The following PTPRD variants were observed in gnomAD, a reference collection of about 807,000 sequenced individuals.
PTPRD encodes receptor-type tyrosine-protein phosphatase delta.
Under a neutral mutation model 214.5 loss-of-function variants are expected in PTPRD, and 34 were observed. The ratio of observed to expected loss-of-function variants is 0.16; its 90% CI spans 0.12 to 0.21. The LOEUF (loss-of-function observed/expected upper bound fraction) is 0.21. Among genes scored for constraint, PTPRD ranks in the 10% least tolerant of loss-of-function variants. The probability of loss-of-function intolerance (pLI) is 1.00; values close to 1 mark genes in which losing one functional copy is unlikely to be tolerated. For missense variants in PTPRD, 2,545 were observed against 2,398.7 expected (o/e 1.06, Z -1.27); for synonymous variants, 1,128 against 845.7 (o/e 1.33, Z -5.79).
chr9:10,453,625 C>T (rs76983859), intron 2 of PTPRD, among the ~76,000 whole-genome samples: 1,808 of 151,636 alleles, frequency 0.012, 33 homozygotes, highest in African/African-American at 0.039. Context: ...TATTGAAATG[C>T]TACCACTTGT....
chr9:10,000,716 G>T (rs2096285852), intron 4 of PTPRD, among the ~76,000 whole-genome samples: 1 of 152,178 alleles, frequency 6.6e-6, no homozygotes, highest in African/African-American at 2.4e-5. Context: ...AGCCAGGCTG[G>T]CAAGTATTAA....
At chr9:8,871,935 C>G (rs2098307516) in intron 11 of PTPRD, among the ~76,000 whole-genome samples, 2 of 152,120 alleles carry the variant, frequency 1.3e-5, no homozygotes, top group Non-Finnish European at 2.9e-5. Flanking sequence ...CATCATTGTA[C>G]TGGGGCACCA....
intron 2 of PTPRD, 97 bp from the exon 3 acceptor site, chr9:10,341,114 C>G (rs138436854): frequency 6.6e-6 from 1 of 151,884 alleles, no homozygotes; most frequent in Non-Finnish European, 1.5e-5. Flanking sequence ...TATGGAAGTA[C>G]AAAAACTGAA....
chr9:10,411,259 C>A (rs1320046508), intron 2 of PTPRD, among the ~76,000 whole-genome samples: 1 of 151,680 alleles, frequency 6.6e-6, no homozygotes, highest in Non-Finnish European at 1.5e-5. Context: ...GTATCCCAGA[C>A]CAATTTTGAA....
At chr9:8,915,085 T>G (rs1452400630) in intron 11 of PTPRD, among the ~76,000 whole-genome samples, 1 of 152,124 alleles carries the variant, frequency 6.6e-6, no homozygotes, top group African/African-American at 2.4e-5. Context: ...GAGGAAAATA[T>G]GAAAGCAGTT....
chr9:10,517,194 C>A (rs948516353), intron 2 of PTPRD, among the ~76,000 whole-genome samples: 18 of 151,948 alleles, frequency 1.2e-4, no homozygotes, highest in African/African-American at 4.3e-4. Context: ...TATCCCAATT[C>A]ATGAACATGG....
chr9:8,386,752 A>T (rs184063341), intron 37 of PTPRD, among the ~76,000 whole-genome samples: 66 of 152,336 alleles, frequency 4.3e-4, no homozygotes, highest in African/African-American at 1.6e-3. Context: ...AGTGAAAGCC[A>T]ATTCCAGCTC....
intron 11 of PTPRD, among the ~76,000 whole-genome samples, chr9:8,868,186 C>T (rs1219432678): frequency 6.6e-6 from 1 of 151,906 alleles, no homozygotes; most frequent in Non-Finnish European, 1.5e-5. Flanking sequence ...GTTCTAGCAT[C>T]TATATTTTAA....
chr9:8,381,103 T>A (rs2084926092), intron 37 of PTPRD, among the ~76,000 whole-genome samples: 1 of 152,168 alleles, frequency 6.6e-6, no homozygotes, highest in Non-Finnish European at 1.5e-5. Flanking sequence ...CCATAACTAT[T>A]GCTAAAAGTG....
rs780013156 is a variant in PTPRD, at chr9:8,633,307, G to T, written c.352+10C>A. 1 of 1,609,180 alleles carries T rather than the reference G, an allele frequency of 6.2e-7. No homozygotes were observed. Among genetic ancestry groups the T allele is most frequent in the South Asian group, 1.1e-5 (1 of 90,568 alleles). On this transcript the variant is annotated intron_variant, in intron 14 of 45. Transcript: ENST00000381196. The stretch of plus-strand genomic sequence containing the variant: ...ATGACACAAACGACAACCTTCACTT[G>T]AGCACTTACCCCGCAAAACTGTGAG...
At chr9:10,547,702 T>C (rs1176078820) in intron 2 of PTPRD, among the ~76,000 whole-genome samples, 1 of 150,382 alleles carries the variant, frequency 6.6e-6, no homozygotes, top group East Asian at 1.9e-4. Context: ...ATATATGTTA[T>C]ATATATATAT....
intron 3 of PTPRD, among the ~76,000 whole-genome samples, chr9:10,224,428 A>G (rs1159333124): frequency 6.6e-6 from 1 of 152,026 alleles, no homozygotes; most frequent in East Asian, 1.9e-4. Flanking sequence ...TTACATATGC[A>G]TACATGTGCC....
chr9:8,708,592 T>C (rs1320930091), intron 12 of PTPRD, among the ~76,000 whole-genome samples: 4 of 144,060 alleles, frequency 2.8e-5, no homozygotes, highest in South Asian at 2.2e-4. Context: ...GGCAGAAGAA[T>C]CACTTGAACT....
intron 10 of PTPRD, among the ~76,000 whole-genome samples, chr9:9,104,717 G>A (rs998350702): frequency 3.3e-5 from 5 of 152,090 alleles, no homozygotes; most frequent in African/African-American, 4.8e-5. Context: ...TTCCTGCCTC[G>A]CTGATATTAA....
At chr9:9,461,052 C>T (rs535396263) in intron 8 of PTPRD, among the ~76,000 whole-genome samples, 1 of 151,902 alleles carries the variant, frequency 6.6e-6, no homozygotes, top group Admixed American at 6.6e-5. Flanking sequence ...GGCCATTATC[C>T]TACAGGAATA....
chr9:9,219,980 A>G (rs922594453), intron 9 of PTPRD, among the ~76,000 whole-genome samples: 16 of 152,148 alleles, frequency 1.1e-4, no homozygotes, highest in African/African-American at 3.4e-4. Context: ...TTTCACAGTG[A>G]TATACAAACT....
intron 11 of PTPRD, among the ~76,000 whole-genome samples, chr9:8,741,661 G>T (rs2091969684): frequency 7.6e-6 from 1 of 131,126 alleles, no homozygotes; most frequent in African/African-American, 2.8e-5. Flanking sequence ...TCGGCTCACT[G>T]CAACCCCCAA....
At chr9:10,560,786 T>C (rs1369516324) in intron 2 of PTPRD, among the ~76,000 whole-genome samples, 2 of 152,078 alleles carry the variant, frequency 1.3e-5, no homozygotes, top group African/African-American at 4.8e-5. Context: ...ACAAATTTAG[T>C]TCCTCTGTCA....
At position 8,633,355 on chromosome 9, in the gene PTPRD, C is replaced by G. The variant is rs2096313741; in HGVS notation, c.314G>C (p.Gly105Ala). ...GAGTCTGGTGGATACACTTATTTCT[C>G]CCACATTATTTGAGGCCACACATTC... Reference protein sequence around the residue: ...IYECVASNNVGEISVSTRLTV... With the variant: ...IYECVASNNVAEISVSTRLTV... Residue 105 changes from glycine (G) to alanine (A), a missense_variant, in exon 14 of 46, where the codon GGA (glycine) becomes GCA (alanine). By Grantham distance (60) the Gly-to-Ala change is moderately conservative. Transcript: ENST00000381196. The G allele has an allele frequency of 1.9e-6, 3 of 1,612,738 alleles. No homozygotes were observed. In the South Asian group the frequency reaches 3.3e-5, roughly 18 times the overall value.
Sources: allele counts gnomAD v4.1 joint callset (sites outside exome capture counted in the v4.1 genomes callset), GRCh38; gene constraint gnomAD v4.1.1; transcripts MANE v1.5; gene names NCBI Gene and HGNC (gene_info 2026-07-23, HGNC 2026-07-21).